Variants in TANC2 observed in about 807,000 individuals in gnomAD.
TANC2 encodes protein TANC2.
In TANC2, 26 loss-of-function variants were observed where a neutral mutation model predicts 210.5. That is an observed-to-expected ratio of 0.12 (90% CI 0.09 to 0.17). The LOEUF is 0.17. Among genes scored for constraint, TANC2 ranks in the 10% least tolerant of loss-of-function variants. The pLI, the probability that TANC2 is intolerant of heterozygous loss-of-function variation, is 1.00. For synonymous variants in TANC2, 931 were observed against 967.1 expected (o/e 0.96, Z 0.69); for missense variants, 2,129 against 2,608.9 (o/e 0.82, Z 4.01).
intron 8 of TANC2, among the ~76,000 whole-genome samples, chr17:63,245,445 C>T (rs1031063956): frequency 2.0e-5 from 3 of 152,130 alleles, no homozygotes; most frequent in Non-Finnish European, 2.9e-5. Flanking sequence ...CAGTGGCTTA[C>T]ACCTGTAATC....
intron 14 of TANC2, among the ~76,000 whole-genome samples, chr17:63,374,546 CCT>C (rs1296819200): frequency 3.9e-5 from 6 of 152,014 alleles, no homozygotes; most frequent in Non-Finnish European, 7.4e-5. Flanking sequence ...GGAAGGAACC[CCT>C]GAGTTTATCG....
intron 7 of TANC2, among the ~76,000 whole-genome samples, chr17:63,208,142 GT>G (rs11415968): frequency 3.9e-5 from 6 of 151,948 alleles, no homozygotes; most frequent in Non-Finnish European, 8.8e-5. Context: ...ATGTAGTCAA[GT>G]TTTTTTGTTT....
In TANC2 at chr17:62,991,040, C is replaced by CT. The variant is rs377380841; in HGVS notation, c.-23-18490dup. Among the ~76,000 whole-genome samples, 63 of 152,038 alleles carry CT rather than the reference C, an allele frequency of 4.1e-4. No homozygotes were observed. In the East Asian group the frequency reaches 9.7e-3, roughly 23 times the overall value. The stretch of plus-strand genomic sequence containing the variant: ...TTTGGTATATCACTAACTAATATGA[C>CT]TTTTTTTAACAGTGTTCAGCCGCCT... On this transcript the variant is annotated intron_variant, in intron 1 of 27. Transcript: ENST00000689528.
Position 63,420,860 on chromosome 17 carries a change from C to G in TANC2, c.5130C>G (p.Thr1710=). 1 of 1,614,030 alleles carries G rather than the reference C, an allele frequency of 6.2e-7. No individual in the cohort carries two copies. The highest frequency in any genetic ancestry group is 8.5e-7 in the Non-Finnish European group (1 of 1,179,888). ...CCAGCCCAGCCGTCCATTCAAGCACCGTCATCCCCACAGGAGCCTATGGCC... is the reference window on the plus strand; with the variant it reads ...CCAGCCCAGCCGTCCATTCAAGCACGGTCATCCCCACAGGAGCCTATGGCC... The change falls in exon 28 of 28, where the codon ACC becomes ACG. Residue 1710 remains threonine, a synonymous_variant. Transcript: ENST00000689528. This position sits in a 1 kb window ranked among gnomAD's most constrained non-coding sequence, Gnocchi z 4.2.
intron 11 of TANC2, among the ~76,000 whole-genome samples, chr17:63,320,031 T>C (rs2045445610): frequency 6.6e-6 from 1 of 152,212 alleles, no homozygotes; most frequent in Non-Finnish European, 1.5e-5. Context: ...CCTTCCTTCT[T>C]CCTACCACCA....
At chr17:63,397,863 C>T (rs1296618373) in intron 18 of TANC2, among the ~76,000 whole-genome samples, 1 of 152,182 alleles carries the variant, frequency 6.6e-6, no homozygotes, top group African/African-American at 2.4e-5. Context: ...TAATAAACAA[C>T]TGGCTTTCAG....
At chr17:63,413,217 T>C (rs1271229244) in intron 24 of TANC2, 1 of 252,118 alleles carries the variant, frequency 4.0e-6, no homozygotes, top group Non-Finnish European at 7.5e-6. Flanking sequence ...TAATGTTTAA[T>C]ATAAATCCTT....
intron 2 of TANC2, among the ~76,000 whole-genome samples, chr17:63,063,126 T>C (rs1048271480): frequency 1.3e-5 from 2 of 152,174 alleles, no homozygotes; most frequent in Non-Finnish European, 2.9e-5. Context: ...TGTTTAGCTG[T>C]TTATTATAAA....
intron 9 of TANC2, among the ~76,000 whole-genome samples, chr17:63,280,066 C>T (rs936317734): frequency 2.0e-5 from 3 of 152,158 alleles, no homozygotes; most frequent in East Asian, 1.9e-4. Context: ...ATCTGATTCA[C>T]GTAAAGCTTT....
intron 1 of TANC2, among the ~76,000 whole-genome samples, chr17:62,974,875 A>G (rs2031912852): frequency 6.6e-6 from 1 of 152,216 alleles, no homozygotes; most frequent in Non-Finnish European, 1.5e-5. Context: ...AAATTCATAA[A>G]GAAAAGTACG....
intron 21 of TANC2, among the ~76,000 whole-genome samples, chr17:63,410,860 C>CAAAAAAAAA (rs34268418): frequency 4.4e-4 from 17 of 39,014 alleles, no homozygotes; most frequent in Admixed American, 1.6e-3. Flanking sequence ...GACTCCATCT[C>CAAAAAAAAA]AAAAAAAAAA....
intron 1 of TANC2, among the ~76,000 whole-genome samples, chr17:62,979,502 G>A (rs2032193995): frequency 6.6e-6 from 1 of 152,078 alleles, no homozygotes; most frequent in African/African-American, 2.4e-5. Context: ...ACTTTTCTGG[G>A]ACTCATTTTT....
chr17:63,331,099 G>A lies in TANC2; in HGVS notation c.1576-9002G>A, dbSNP rs186835809. 1.6e-4 allele frequency among the ~76,000 whole-genome samples: 25 copies of A among 152,274 alleles called. No homozygotes were observed. In the East Asian group the frequency reaches 4.8e-3, roughly 29 times the overall value. On this transcript the variant is annotated intron_variant, in intron 11 of 27. Coordinates refer to ENST00000689528, the Ensembl canonical transcript of TANC2. The stretch of plus-strand genomic sequence containing the variant: ...CCCAAAAAATAATAATGTATCTGGG[G>A]TGTGCCCCTACTTGACATTGCCAAG...
At chr17:63,306,482 T>C (rs2044910473) in intron 9 of TANC2, among the ~76,000 whole-genome samples, 1 of 152,250 alleles carries the variant, frequency 6.6e-6, no homozygotes, top group African/African-American at 2.4e-5. Flanking sequence ...CCCCAGACTA[T>C]GTACTGATAC....
intron 8 of TANC2, among the ~76,000 whole-genome samples, chr17:63,245,833 A>G (rs536614296): frequency 7.4e-6 from 1 of 135,268 alleles, no homozygotes; most frequent in South Asian, 2.4e-4. Context: ...ACAAGGCGGG[A>G]CTCCTTATCA....
exon 10 of TANC2, chr17:63,314,639 G>A (rs1295212416): frequency 1.1e-5 from 17 of 1,613,716 alleles, no homozygotes; most frequent in East Asian, 4.5e-5. Context: ...GAGACAGATC[G>A]CCTCAGACAG....
chr17:63,344,630 C>T (rs1317194719), intron 12 of TANC2, among the ~76,000 whole-genome samples: 1 of 152,186 alleles, frequency 6.6e-6, no homozygotes, highest in Non-Finnish European at 1.5e-5. Flanking sequence ...AGAAATCTGA[C>T]TAGAACTAGT....
chr17:63,335,394 C>T (rs1373447007), intron 11 of TANC2, among the ~76,000 whole-genome samples: 2 of 151,992 alleles, frequency 1.3e-5, no homozygotes. Flanking sequence ...GGGCAGATCA[C>T]AAGGTCAGGA....
chr17:63,002,836 T>G (rs1198114094), intron 1 of TANC2, among the ~76,000 whole-genome samples: 1 of 152,370 alleles, frequency 6.6e-6, no homozygotes, highest in East Asian at 1.9e-4. Flanking sequence ...TTTTTCTTGC[T>G]GAGTAATATT....
Sources: allele counts gnomAD v4.1 joint callset (sites outside exome capture counted in the v4.1 genomes callset), GRCh38; gene constraint gnomAD v4.1.1; non-coding constraint Gnocchi (gnomAD v3.1); transcripts MANE v1.5; gene names NCBI Gene and HGNC (gene_info 2026-07-23, HGNC 2026-07-21).